The following ARL14EPL variants were observed in gnomAD, a reference collection of about 807,000 sequenced individuals.
ARL14EPL encodes ARL14 effector protein-like.
In ARL14EPL, 17 loss-of-function variants were observed where a neutral mutation model predicts 15.9. That is an observed-to-expected ratio of 1.07 (90% CI 0.73 to 1.60). The LOEUF (loss-of-function observed/expected upper bound fraction) is 1.60, where lower values mean the gene tolerates loss of function less well. Ranked by LOEUF, ARL14EPL falls within the 40% of genes most tolerant of loss-of-function variation. The probability of loss-of-function intolerance (pLI) is 0.00; values close to 1 mark genes in which losing one functional copy is unlikely to be tolerated. For synonymous variants in ARL14EPL, 78 were observed against 63.8 expected, an observed-to-expected ratio of 1.22 and a Z score of -1.06; for missense variants, 214 against 185.9, an observed-to-expected ratio of 1.15 and a Z score of -0.88.
chr5:116,044,034 C>T (rs1263178766), intron 1 of ARL14EPL, among the ~76,000 whole-genome samples: 1 of 152,174 alleles, frequency 6.6e-6, no homozygotes, highest in Non-Finnish European at 1.5e-5. Context: ...AGATGGAACA[C>T]ATTTTTAATT....
At chr5:116,047,092 C>T (rs538485219) in intron 1 of ARL14EPL, among the ~76,000 whole-genome samples, 11 of 152,282 alleles carry the variant, frequency 7.2e-5, no homozygotes, top group South Asian at 4.1e-4. Context: ...TCTAGAGATA[C>T]GAGAAATAAA....
chr5:116,037,855 T>A (rs1749075483), intron 1 of ARL14EPL, among the ~76,000 whole-genome samples: 1 of 152,200 alleles, frequency 6.6e-6, no homozygotes, highest in Non-Finnish European at 1.5e-5. Context: ...TTTTAGTTGG[T>A]GGTTTTTATT....
At chr5:116,049,349 A>G (rs561133283) in intron 1 of ARL14EPL, among the ~76,000 whole-genome samples, 1 of 152,338 alleles carries the variant, frequency 6.6e-6, no homozygotes, top group Non-Finnish European at 1.5e-5. Context: ...AAACAGCTCC[A>G]TATGATTTTT....
At chr5:116,036,348 TAC>T (rs1161434754) in intron 1 of ARL14EPL, among the ~76,000 whole-genome samples, 1 of 152,170 alleles carries the variant, frequency 6.6e-6, no homozygotes, top group East Asian at 1.9e-4. Context: ...CCAGAAATAA[TAC>T]AGTGTCAAGT....
chr5:116,040,838 G>A (rs925812425), intron 1 of ARL14EPL, among the ~76,000 whole-genome samples: 5 of 149,144 alleles, frequency 3.4e-5, no homozygotes, highest in Admixed American at 1.3e-4. Flanking sequence ...AAAATTAGTC[G>A]GGCGTGGTGG....
intron 1 of ARL14EPL, among the ~76,000 whole-genome samples, chr5:116,041,959 G>A (rs1476685427): frequency 6.6e-6 from 1 of 152,126 alleles, no homozygotes; most frequent in Non-Finnish European, 1.5e-5. Flanking sequence ...CTCCTGAGTA[G>A]CTGGGATTAC....
chr5:116,032,865 T>G (rs1748983760), intron 1 of ARL14EPL, among the ~76,000 whole-genome samples: 1 of 152,160 alleles, frequency 6.6e-6, no homozygotes, highest in African/African-American at 2.4e-5. Flanking sequence ...TGCTGCCATC[T>G]CCGCTCGCCG....
intron 1 of ARL14EPL, among the ~76,000 whole-genome samples, chr5:116,044,684 C>T (rs935437204): frequency 5.3e-5 from 8 of 152,080 alleles, no homozygotes; most frequent in Non-Finnish European, 1.5e-5. Context: ...AGAAGGAGAA[C>T]TCTCATAATC....
At chr5:116,036,982 C>T (rs1299053471) in intron 1 of ARL14EPL, among the ~76,000 whole-genome samples, 3 of 151,892 alleles carry the variant, frequency 2.0e-5, no homozygotes, top group East Asian at 3.9e-4. Flanking sequence ...TTGCAACTCT[C>T]CTCCTCTGAG....
chr5:116,036,533 ATG>A (rs1000771157), intron 1 of ARL14EPL, among the ~76,000 whole-genome samples: 76 of 152,326 alleles, frequency 5.0e-4, no homozygotes, highest in East Asian at 4.1e-3. Context: ...TTATTTAGAC[ATG>A]TTTTTAGGGG....
At chr5:116,049,794 A>G (rs1749337276) in intron 1 of ARL14EPL, among the ~76,000 whole-genome samples, 1 of 152,234 alleles carries the variant, frequency 6.6e-6, no homozygotes, top group Admixed American at 6.5e-5. Flanking sequence ...ATAAGTCTTT[A>G]TGGCAGTGTC....
At chr5:116,047,206 C>T (rs1041773097) in intron 1 of ARL14EPL, among the ~76,000 whole-genome samples, 2 of 152,208 alleles carry the variant, frequency 1.3e-5, no homozygotes, top group Non-Finnish European at 2.9e-5. Context: ...TCAGATGTGG[C>T]TCATGTGCCC....
intron 1 of ARL14EPL, among the ~76,000 whole-genome samples, chr5:116,035,740 CA>C (rs1749038548): frequency 1.3e-5 from 2 of 152,146 alleles, no homozygotes; most frequent in South Asian, 4.1e-4. Flanking sequence ...GCTGCTGCCT[CA>C]AAAACTCAGA....
chr5:116,035,542 A>T (rs963669475), intron 1 of ARL14EPL, among the ~76,000 whole-genome samples: 3 of 152,240 alleles, frequency 2.0e-5, no homozygotes, highest in Admixed American at 6.5e-5. Context: ...AAAATGACAA[A>T]AGAGTAAGGC....
In ARL14EPL at chr5:116,056,697, A is replaced by G. The variant is rs1204878232; in HGVS notation, c.237-2028A>G. Among the ~76,000 whole-genome samples the G allele has an allele frequency of 2.6e-5, 4 of 152,068 alleles. No homozygotes were observed. The East Asian group carries it at 5.8e-4, about 22-fold the overall frequency. ...TTGTCTTTTGTTGCCATTGCTTTTG[A>G]TGTTTTAGACATGAAGTTCTTGCCC... is the stretch of plus-strand genomic sequence containing the variant. On this transcript the variant is annotated intron_variant, in intron 3 of 3. Transcript: ENST00000686077.
intron 1 of ARL14EPL, among the ~76,000 whole-genome samples, chr5:116,042,190 T>A (rs570567698): frequency 1.3e-5 from 2 of 152,324 alleles, no homozygotes; most frequent in African/African-American, 4.8e-5. Context: ...CCGCCCGCTC[T>A]GCCCCTCTCA....
At chr5:116,057,575 T>C (rs1354967056) in intron 3 of ARL14EPL, among the ~76,000 whole-genome samples, 4 of 152,160 alleles carry the variant, frequency 2.6e-5, no homozygotes, top group African/African-American at 9.7e-5. Flanking sequence ...ATTTAAAATA[T>C]CCTCTTCCGC....
At chr5:116,044,240 G>A (rs1429833055) in intron 1 of ARL14EPL, among the ~76,000 whole-genome samples, 1 of 152,138 alleles carries the variant, frequency 6.6e-6, no homozygotes, top group Non-Finnish European at 1.5e-5. Flanking sequence ...AAATAGCAGT[G>A]TTTACCCTAT....
chr5:116,057,607 G>A (rs1405041125), intron 3 of ARL14EPL, among the ~76,000 whole-genome samples: 2 of 152,078 alleles, frequency 1.3e-5, no homozygotes, highest in African/African-American at 2.4e-5. Context: ...GGGTTGCTTA[G>A]GAAGAGTTTC....
Sources: allele counts gnomAD v4.1 joint callset (sites outside exome capture counted in the v4.1 genomes callset), GRCh38; gene constraint gnomAD v4.1.1; transcripts MANE v1.5; gene names NCBI Gene and HGNC (gene_info 2026-07-23, HGNC 2026-07-21).